Variants in ADH5 observed in about 807,000 individuals in gnomAD.
ADH5 encodes alcohol dehydrogenase class-3.
In ADH5, 32 loss-of-function variants were observed where a neutral mutation model predicts 40.3. The observed-to-expected ratio is 0.79, with a 90% CI of 0.60 to 1.07. The LOEUF is 1.07. Among genes scored for constraint, ADH5 ranks in the 50% least tolerant of loss-of-function variants. The pLI, the probability that ADH5 is intolerant of heterozygous loss-of-function variation, is 0.00. For missense variants in ADH5, 353 were observed against 460.5 expected (o/e 0.77, Z 2.14); for synonymous variants, 125 against 154.3 (o/e 0.81, Z 1.41).
chr4:99,087,065 G>A (rs976512507), intron 1 of ADH5, among the ~76,000 whole-genome samples: 1 of 151,734 alleles, frequency 6.6e-6, no homozygotes, highest in African/African-American at 2.4e-5. Context: ...GGAAAGGAGA[G>A]GTGAACTACA....
intron 3 of ADH5, chr4:99,081,768 A>G (rs1728028497): frequency 1.5e-6 from 1 of 654,094 alleles, no homozygotes; most frequent in African/African-American, 1.8e-5. Flanking sequence ...ATGTACTTAG[A>G]AAAGTTTCAC....
At chr4:99,082,987 T>A (rs1232401979) in intron 2 of ADH5, among the ~76,000 whole-genome samples, 1 of 152,320 alleles carries the variant, frequency 6.6e-6, no homozygotes, top group Non-Finnish European at 1.5e-5. Context: ...TAACTTATAT[T>A]TTAAAGCCAC....
chr4:99,087,323 A>G (rs1187884901), intron 1 of ADH5, among the ~76,000 whole-genome samples: 1 of 141,554 alleles, frequency 7.1e-6, no homozygotes, highest in Admixed American at 7.4e-5. Context: ...CAAAGGTTGC[A>G]GTGACCCAAG....
Position 99,088,657 on chromosome 4 carries a change from G to A in ADH5, c.12+32C>T, listed in dbSNP as rs766357116. The A allele has an allele frequency of 1.9e-5, 30 of 1,602,448 alleles. No homozygotes were observed. In the South Asian group the frequency reaches 3.1e-4, roughly 17 times the overall value. On this transcript the variant is annotated intron_variant, in intron 1 of 8. Transcript: ENST00000296412. ...TCCCATGCCATGCACTCCCTCCCTT[G>A]GACTCAGGGCCCTCCGCTCAACGGG...
rs768158853 is a variant in ADH5 at position 99,082,009 on chromosome 4, T to C, written c.222A>G (p.Glu74=). The change falls in exon 3 of 9, where the codon GAA becomes GAG. Residue 74 remains glutamate, a synonymous_variant. Coordinates refer to ENST00000296412, the MANE Select transcript of ADH5 (RefSeq NM_000671.4). ...GCTTAGTAACTCCCTCACCAACACT[T>C]TCCACAATTCCAGCACCTTCATGTC... is the stretch of plus-strand genomic sequence containing the variant. ...ILGHEGAGIV[E]SVGEGVTKLK... is the part of the protein sequence containing the mutation. The C allele has an allele frequency of 2.7e-5, 44 of 1,613,696 alleles. No homozygotes were observed. Among genetic ancestry groups the C allele is most frequent in the Non-Finnish European group, 3.7e-5 (44 of 1,179,784 alleles).
At chr4:99,087,319 T>C (rs1728163233) in intron 1 of ADH5, among the ~76,000 whole-genome samples, 1 of 138,384 alleles carries the variant, frequency 7.2e-6, no homozygotes, top group Admixed American at 8.3e-5. Context: ...GAGGCAAAGG[T>C]TGCAGTGACC....
Position 99,076,272 on chromosome 4 carries a change from G to GGAAT in ADH5, c.825+16_825+19dup. ...AAAAAGCAGTTCCATAAACTAAAAAGGAATGAAGCCCATACTCACCATGAC... is the reference window on the plus strand; with the variant it reads ...AAAAAGCAGTTCCATAAACTAAAAAGGAATGAATGAAGCCCATACTCACCATGAC... On this transcript the variant is annotated intron_variant, in intron 6 of 8. Coordinates refer to ENST00000296412, the MANE Select transcript of ADH5 (RefSeq NM_000671.4). 1.2e-6 allele frequency: 2 copies of GGAAT among 1,606,334 alleles called. No homozygotes were observed. Among genetic ancestry groups the GGAAT allele is most frequent in the Non-Finnish European group, 1.7e-6 (2 of 1,175,042 alleles).
intron 1 of ADH5, among the ~76,000 whole-genome samples, chr4:99,086,092 T>C (rs559198108): frequency 2.6e-4 from 40 of 151,994 alleles, no homozygotes; most frequent in Non-Finnish European, 5.4e-4. Context: ...AGCTGGACTT[T>C]GAAGACTTAG....
intron 2 of ADH5, among the ~76,000 whole-genome samples, chr4:99,083,278 T>TAAC: frequency 6.6e-6 from 1 of 152,138 alleles, no homozygotes; most frequent in Non-Finnish European, 1.5e-5. Context: ...GATTTCAAAT[T>TAAC]CCTGTGTATG....
At chr4:99,082,155 T>C (rs1349546605) in intron 2 of ADH5, 39 bp from the exon 3 acceptor site, 2 of 1,600,902 alleles carry the variant, frequency 1.2e-6, no homozygotes, top group East Asian at 4.5e-5. Flanking sequence ...TAAGTATGTG[T>C]GCATGCAATT....
chr4:99,084,435 T>G (rs1172845761), intron 2 of ADH5, among the ~76,000 whole-genome samples: 1 of 152,200 alleles, frequency 6.6e-6, no homozygotes, highest in East Asian at 1.9e-4. Flanking sequence ...GCCACGAGTT[T>G]ACAAATGCCA....
chr4:99,083,557 A>T (rs1219545733), intron 2 of ADH5, among the ~76,000 whole-genome samples: 1 of 138,026 alleles, frequency 7.2e-6, no homozygotes, highest in East Asian at 2.4e-4. Flanking sequence ...CCGAGATCGC[A>T]CCACTGCACT....
At chr4:99,088,465 T>C (rs1408883321) in intron 1 of ADH5, among the ~76,000 whole-genome samples, 17 of 64,926 alleles carry the variant, frequency 2.6e-4, no homozygotes, top group African/African-American at 1.5e-3. Flanking sequence ...CCGTTCCGAC[T>C]GTCCCAGAAG....
Position 99,071,383 on chromosome 4 carries a change from C to A in ADH5, c.*1034G>T, listed in dbSNP as rs1456299106. The A allele has an allele frequency of 6.6e-6, 1 of 152,198 alleles. No homozygotes were observed. The allele number at this position is 152,198 out of a possible 1,614,324, so 9.4% of individuals were successfully genotyped here. ...AGTGAGCCCAATGCAGAAGAATGTT[C>A]CACTACAGTGTTATAATACAGAAAC... On this transcript the variant is annotated 3_prime_UTR_variant, in exon 9 of 9. Coordinates refer to ENST00000296412, the MANE Select transcript of ADH5 (RefSeq NM_000671.4).
chr4:99,075,184 C>T, intron 6 of ADH5, 135 bp from the exon 7 acceptor site: 1 of 683,604 alleles, frequency 1.5e-6, no homozygotes, highest in Non-Finnish European at 2.3e-6. Flanking sequence ...ATTTAGTGAG[C>T]TCAATGTTAT....
intron 3 of ADH5, 39 bp downstream of exon 3, chr4:99,081,936 C>G (rs1280516046): frequency 1.2e-6 from 2 of 1,608,946 alleles, no homozygotes; most frequent in Non-Finnish European, 1.7e-6. Flanking sequence ...TAGGAATAAG[C>G]CAAAATTATT....
chr4:99,088,494 C>T (rs1443313395), intron 1 of ADH5, among the ~76,000 whole-genome samples, 195 bp downstream of exon 1: 1 of 144,410 alleles, frequency 6.9e-6, no homozygotes, highest in Non-Finnish European at 1.5e-5. Context: ...AAAGCTGCTT[C>T]CCAACTGAAG....
chr4:99,084,446 T>C (rs1483454167), intron 2 of ADH5, among the ~76,000 whole-genome samples: 3 of 152,214 alleles, frequency 2.0e-5, no homozygotes, highest in Non-Finnish European at 2.9e-5. Flanking sequence ...ACAAATGCCA[T>C]GGCAATGTCA....
chr4:99,075,134 T>C, intron 6 of ADH5, 85 bp from the exon 7 acceptor site: 1 of 1,277,882 alleles, frequency 7.8e-7, no homozygotes, highest in Non-Finnish European at 1.0e-6. Context: ...AGAGATGGCA[T>C]AGTTTTTAAA....
Sources: gnomAD v4.1 joint callset for allele counts (sites outside exome capture counted in the v4.1 genomes callset) on GRCh38, gnomAD v4.1.1 for gene constraint, MANE v1.5 for transcripts, NCBI Gene and HGNC (gene_info 2026-07-23, HGNC 2026-07-21) for gene names.